UTS2B: variants seen among roughly 807,000 people sequenced by gnomAD.
The protein encoded by UTS2B is urotensin-2B.
A neutral mutation model predicts 19.2 loss-of-function variants in UTS2B; 21 were observed. The ratio of observed to expected loss-of-function variants is 1.09; its 90% confidence interval spans 0.78 to 1.58. UTS2B has a LOEUF of 1.58. UTS2B is among the 40% of genes most tolerant of loss of function. The probability of loss-of-function intolerance (pLI) is 0.00; values close to 1 mark genes in which losing one functional copy is unlikely to be tolerated. For synonymous variants in UTS2B, 57 were observed against 50.2 expected, an observed-to-expected ratio of 1.14 and a Z score of -0.58; for missense variants, 138 against 130.3, an observed-to-expected ratio of 1.06 and a Z score of -0.29.
intron 2 of UTS2B, among the ~76,000 whole-genome samples, chr3:191,318,810 TTTTTTG>T (rs1162792657): frequency 3.9e-5 from 6 of 152,282 alleles, no homozygotes; most frequent in South Asian, 4.1e-4. Flanking sequence ...TACATAGTTG[TTTTTTG>T]TTTTTGTTTT....
rs12486011 is a variant in UTS2B at position 191,277,829 on chromosome 3, A to T, written c.202+243T>A. ...ATGAATAAAGGTAACCTTTTTTTTT[A>T]ACTATATGTTTACCAATCCCATTAG... On this transcript the variant is annotated intron_variant, in intron 6 of 8. Transcript: ENST00000340524. Among the ~76,000 whole-genome samples the T allele has an allele frequency of 0.65, 97,616 of 150,154 alleles. 31,785 individuals carry two copies. The highest frequency in any genetic ancestry group is 0.68 in the African/African-American group (27,701 of 41,038).
At position 191,299,667 on chromosome 3, in the gene UTS2B, G is replaced by C. The variant is rs114396117; in HGVS notation, c.-125+4825C>G. On this transcript the variant is annotated intron_variant, in intron 4 of 8. Transcript: ENST00000340524. ...TCTACTAAAGCAGTGCAGAGGGGAA[G>C]TGTGGGGGTGGAACCCCCACACAGA... Among the ~76,000 whole-genome samples the C allele has an allele frequency of 8.7e-3, 1,328 of 152,370 alleles. 21 individuals are homozygous for C. Among genetic ancestry groups the C allele is most frequent in the African/African-American group, 0.03 (1,240 of 41,594 alleles).
chr3:191,271,208 A>G (rs901725025), intron 8 of UTS2B, among the ~76,000 whole-genome samples: 2 of 148,354 alleles, frequency 1.3e-5, no homozygotes, highest in African/African-American at 5.0e-5. Context: ...CTCAAAAAAA[A>G]AAAAAAAAAA....
intron 2 of UTS2B, among the ~76,000 whole-genome samples, chr3:191,321,479 C>A (rs1399456035): frequency 6.6e-6 from 1 of 152,192 alleles, no homozygotes; most frequent in Non-Finnish European, 1.5e-5. Flanking sequence ...TTTTAACACT[C>A]TTATTTGGAC....
upstream of UTS2B, among the ~76,000 whole-genome samples, chr3:191,331,015 A>G (rs543366469): frequency 3.3e-5 from 5 of 152,328 alleles, no homozygotes; most frequent in South Asian, 1.0e-3. Flanking sequence ...TGTAGAAAAC[A>G]GTTTTCACTC....
chr3:191,301,665 AT>A (rs1279702749), intron 4 of UTS2B, among the ~76,000 whole-genome samples: 4 of 150,702 alleles, frequency 2.7e-5, no homozygotes, highest in Non-Finnish European at 4.4e-5. Context: ...TTTTTTTTGT[AT>A]TTTTAGTAGA....
intron 4 of UTS2B, among the ~76,000 whole-genome samples, chr3:191,287,421 T>G (rs1202035493): frequency 1.3e-5 from 2 of 152,128 alleles, no homozygotes; most frequent in East Asian, 3.8e-4. Context: ...AAGTGTGATT[T>G]ATCCTAGGGA....
chr3:191,320,793 C>T (rs1717594487), intron 2 of UTS2B, among the ~76,000 whole-genome samples: 1 of 152,158 alleles, frequency 6.6e-6, no homozygotes, highest in South Asian at 2.1e-4. Context: ...TGTGTAAGTA[C>T]AGAGGTGAAG....
intron 1 of UTS2B, chr3:191,329,564 C>A (rs1390253165): frequency 3.6e-6 from 4 of 1,112,796 alleles, no homozygotes; most frequent in Non-Finnish European, 5.1e-6. Flanking sequence ...CGAGCCCTGC[C>A]GGCCGGACTT....
chr3:191,284,501 T>C lies in UTS2B; in HGVS notation c.-124-2188A>G, dbSNP rs1207143420. ...CATGTCTGGCTAATTTTTGTGTTTT[T>C]AGTAGAGACGGGGTTTCACCATGCT... On this transcript the variant is annotated intron_variant, in intron 4 of 8. Transcript: ENST00000340524. 3.6e-5 allele frequency among the ~76,000 whole-genome samples: 5 copies of C among 139,376 alleles called. No individual in the cohort carries two copies. The South Asian group carries it at 1.0e-3, about 28-fold the overall frequency. 91.4% of individuals were successfully genotyped at this position (139,376 alleles called of 152,430 possible).
chr3:191,322,048 A>G (rs200174313), intron 2 of UTS2B, among the ~76,000 whole-genome samples: 4 of 150,958 alleles, frequency 2.6e-5, no homozygotes, highest in South Asian at 2.1e-4. Context: ...ATACATATAT[A>G]TGTGTGTGTG....
intron 3 of UTS2B, among the ~76,000 whole-genome samples, chr3:191,307,091 T>C (rs1717160138): frequency 6.6e-6 from 1 of 152,148 alleles, no homozygotes; most frequent in Non-Finnish European, 1.5e-5. Context: ...TCATAGGCAA[T>C]ATGTGAAGAG....
In UTS2B at chr3:191,278,909, A is replaced by C. The variant is rs183093209; in HGVS notation, c.104-739T>G. 2.1e-3 allele frequency among the ~76,000 whole-genome samples: 319 copies of C among 152,186 alleles called. 1 individual carries two copies. Among genetic ancestry groups the C allele is most frequent in the Non-Finnish European group, 3.9e-3 (264 of 67,922 alleles). ...CTTTAGTGAGATGGTCTGAAAAATCAAACCTTTATCACATAATTTCTGTAA... is the reference window on the plus strand; with the variant it reads ...CTTTAGTGAGATGGTCTGAAAAATCCAACCTTTATCACATAATTTCTGTAA... On this transcript the variant is annotated intron_variant, in intron 5 of 8. Coordinates refer to ENST00000340524, the MANE Select transcript of UTS2B (RefSeq NM_198152.5).
intron 4 of UTS2B, among the ~76,000 whole-genome samples, chr3:191,298,240 A>G (rs1040072096): frequency 6.6e-6 from 1 of 152,136 alleles, no homozygotes; most frequent in Admixed American, 6.5e-5. Flanking sequence ...TCCAAAAAAA[A>G]CAGTCACTGC....
Position 191,276,789 on chromosome 3 carries a change from A to C in UTS2B, c.240+18T>G, listed in dbSNP as rs757615132. The stretch of plus-strand genomic sequence containing the variant: ...AATTGTTATTAAAACTGCTCATTTA[A>C]GTATTTCACATTCTCACCTGGTTAA... On this transcript the variant is annotated intron_variant, in intron 7 of 8. Transcript: ENST00000340524. 1.9e-6 allele frequency: 3 copies of C among 1,606,408 alleles called. No individual in the cohort carries two copies. The South Asian group carries it at 3.3e-5, about 18-fold the overall frequency.
chr3:191,329,789 A>T, intron 1 of UTS2B: 1 of 1,545,324 alleles, frequency 6.5e-7, no homozygotes, highest in Non-Finnish European at 8.8e-7. Flanking sequence ...CTCTCAGGTC[A>T]GGGGCGTTGC....
chr3:191,299,260 TAAG>T (rs1003952707), intron 4 of UTS2B, among the ~76,000 whole-genome samples: 9 of 152,270 alleles, frequency 5.9e-5, no homozygotes, highest in African/African-American at 2.2e-4. Context: ...GCCAAGACAG[TAAG>T]AAAAAGGCCT....
the UTS2B span, among the ~76,000 whole-genome samples, chr3:191,335,739 T>C: frequency 6.6e-6 from 1 of 152,308 alleles, no homozygotes. Flanking sequence ...ATTACCGGTC[T>C]TGTTTATTTA....
chr3:191,300,790 C>G (rs1716978168), intron 4 of UTS2B, among the ~76,000 whole-genome samples: 1 of 152,230 alleles, frequency 6.6e-6, no homozygotes, highest in Non-Finnish European at 1.5e-5. Flanking sequence ...CCCTCTCTCT[C>G]TTGCTCTTGC....
Sources: gnomAD v4.1 joint callset for allele counts (sites outside exome capture counted in the v4.1 genomes callset) on GRCh38, gnomAD v4.1.1 for gene constraint, MANE v1.5 for transcripts, NCBI Gene and HGNC (gene_info 2026-07-23, HGNC 2026-07-21) for gene names.